Variants in MAGI2 observed in about 807,000 individuals in gnomAD.
MAGI2 encodes the protein membrane-associated guanylate kinase, WW and PDZ domain-containing protein 2.
Under a neutral mutation model 133.3 loss-of-function variants are expected in MAGI2, and 35 were observed. That is an observed-to-expected ratio of 0.26 (90% CI 0.20 to 0.35). MAGI2 has a LOEUF of 0.35. Ranked by LOEUF, MAGI2 falls within the 10% of genes least tolerant of loss-of-function variation. The probability of loss-of-function intolerance (pLI) is 1.00; values close to 1 mark genes in which losing one functional copy is unlikely to be tolerated. For missense variants in MAGI2, 1,636 were observed against 1,863.4 expected, an observed-to-expected ratio of 0.88 and a Z score of 2.25; for synonymous variants, 729 against 710.6, an observed-to-expected ratio of 1.03 and a Z score of -0.41.
intron 2 of MAGI2, among the ~76,000 whole-genome samples, chr7:78,848,117 C>G (rs1232996114): frequency 6.6e-6 from 1 of 151,844 alleles, no homozygotes; most frequent in Non-Finnish European, 1.5e-5. Flanking sequence ...TGAACTCTCT[C>G]TATTTGGCAT....
At chr7:78,380,213 TTTC>T (rs1172752658) in intron 6 of MAGI2, among the ~76,000 whole-genome samples, 2 of 151,850 alleles carry the variant, frequency 1.3e-5, no homozygotes, top group African/African-American at 2.4e-5. Context: ...AAATAGACTA[TTTC>T]TTTTTTTAAA....
chr7:78,603,566 G>A (rs909898352), intron 3 of MAGI2, among the ~76,000 whole-genome samples: 16 of 152,072 alleles, frequency 1.1e-4, no homozygotes, highest in Admixed American at 9.8e-4. Context: ...CCCTGTCACC[G>A]AGGCTGGAGT....
intron 6 of MAGI2, among the ~76,000 whole-genome samples, chr7:78,416,459 AATG>A (rs1474884878): frequency 6.6e-6 from 1 of 152,198 alleles, no homozygotes; most frequent in Non-Finnish European, 1.5e-5. Context: ...ATTCATATGA[AATG>A]ATTGTATTCC....
At chr7:78,871,050 C>A (rs902133748) in intron 2 of MAGI2, among the ~76,000 whole-genome samples, 1 of 152,100 alleles carries the variant, frequency 6.6e-6, no homozygotes, top group Non-Finnish European at 1.5e-5. Flanking sequence ...GTGGCTCATG[C>A]CTGTAATCCC....
chr7:78,522,049 C>A (rs967792376), intron 3 of MAGI2, among the ~76,000 whole-genome samples: 1 of 152,108 alleles, frequency 6.6e-6, no homozygotes. Context: ...TAATCTCACA[C>A]TATTCTGAAA....
intron 1 of MAGI2, among the ~76,000 whole-genome samples, chr7:79,306,232 T>TTATATG (rs1837785459): frequency 6.8e-6 from 1 of 146,794 alleles, no homozygotes; most frequent in Non-Finnish European, 1.5e-5. Context: ...TATATTTTAT[T>TTATATG]TATATGTATA....
chr7:78,526,357 G>T (rs2150602806), intron 3 of MAGI2, among the ~76,000 whole-genome samples: 2 of 152,300 alleles, frequency 1.3e-5, no homozygotes, highest in Middle Eastern at 3.4e-3. Flanking sequence ...ATAAGTGTGT[G>T]TGTGTTTGTA....
intron 2 of MAGI2, among the ~76,000 whole-genome samples, chr7:78,674,508 A>G (rs1171069136): frequency 6.6e-6 from 1 of 152,134 alleles, no homozygotes. Flanking sequence ...TATCTATTCT[A>G]TACTTTAAAT....
chr7:78,144,101 A>G (rs1474209335), intron 16 of MAGI2, among the ~76,000 whole-genome samples: 1 of 152,030 alleles, frequency 6.6e-6, no homozygotes, highest in African/African-American at 2.4e-5. Context: ...TCTTTCCTCA[A>G]AGAGCTCTAT....
intron 6 of MAGI2, among the ~76,000 whole-genome samples, chr7:78,427,621 T>C (rs2151423335): frequency 6.7e-6 from 1 of 149,364 alleles, no homozygotes; most frequent in South Asian, 2.1e-4. Context: ...GTGAAAGATT[T>C]TAATACCACT....
intron 2 of MAGI2, among the ~76,000 whole-genome samples, chr7:78,982,703 T>C (rs957541445): frequency 6.6e-6 from 1 of 151,768 alleles, no homozygotes; most frequent in Non-Finnish European, 1.5e-5. Flanking sequence ...TATACATTTA[T>C]GAAAGCCAGG....
At chr7:78,859,032 C>A (rs1793917418) in intron 2 of MAGI2, among the ~76,000 whole-genome samples, 1 of 151,652 alleles carries the variant, frequency 6.6e-6, no homozygotes, top group Non-Finnish European at 1.5e-5. Context: ...GGTTTAGAGT[C>A]TGTTTTATCA....
At chr7:78,552,926 G>GC (rs201457342) in intron 3 of MAGI2, among the ~76,000 whole-genome samples, 4,233 of 151,970 alleles carry the variant, frequency 0.028, 210 homozygotes, top group African/African-American at 0.097. Flanking sequence ...AGAACAAATT[G>GC]CCCCCCCAAG....
intron 10 of MAGI2, among the ~76,000 whole-genome samples, chr7:78,216,515 G>C (rs144877534): frequency 2.0e-5 from 3 of 152,150 alleles, no homozygotes; most frequent in Non-Finnish European, 4.4e-5. Context: ...GCCTCACCTC[G>C]CTCTGGTGCT....
chr7:78,447,876 G>A (rs906375560), intron 6 of MAGI2, among the ~76,000 whole-genome samples: 23 of 151,930 alleles, frequency 1.5e-4, no homozygotes, highest in African/African-American at 4.8e-4. Context: ...TTATTCCTCC[G>A]AACTGCAACT....
At chr7:79,312,485 A>G (rs1381313564) in intron 1 of MAGI2, among the ~76,000 whole-genome samples, 1 of 152,140 alleles carries the variant, frequency 6.6e-6, no homozygotes, top group African/African-American at 2.4e-5. Context: ...CCCTTCAATC[A>G]GTCTTGCTTG....
intron 3 of MAGI2, among the ~76,000 whole-genome samples, chr7:78,564,499 AT>A: frequency 6.6e-6 from 1 of 152,180 alleles, no homozygotes; most frequent in East Asian, 1.9e-4. Flanking sequence ...AAGTTAGATA[AT>A]TTTTGAAGTT....
At chr7:78,375,594 A>G (rs1794369857) in intron 6 of MAGI2, among the ~76,000 whole-genome samples, 2 of 152,142 alleles carry the variant, frequency 1.3e-5, no homozygotes, top group Non-Finnish European at 2.9e-5. Context: ...AAAAAAACAA[A>G]ATTTGAGGTT....
chr7:78,622,716 C>A, intron 3 of MAGI2, among the ~76,000 whole-genome samples: 1 of 152,026 alleles, frequency 6.6e-6, no homozygotes, highest in East Asian at 1.9e-4. Flanking sequence ...GCTAGTTCCT[C>A]AGCTGTAGTT....
Sources: gnomAD v4.1 joint callset for allele counts (sites outside exome capture counted in the v4.1 genomes callset) on GRCh38, gnomAD v4.1.1 for gene constraint, MANE v1.5 for transcripts, NCBI Gene and HGNC (gene_info 2026-07-23, HGNC 2026-07-21) for gene names.